RSRC1: variants seen among roughly 807,000 people sequenced by gnomAD.
RSRC1 encodes arginine and serine rich coiled-coil 1, also known as serine/Arginine-related protein 53.
Under a neutral mutation model 49.1 loss-of-function variants are expected in RSRC1, and 39 were observed. That is an observed-to-expected ratio of 0.79 (90% CI 0.61 to 1.04). The LOEUF (loss-of-function observed/expected upper bound fraction) is 1.04. Among genes scored for constraint, RSRC1 ranks in the 50% least tolerant of loss-of-function variants. RSRC1 has a pLI of 0.00. For missense variants in RSRC1, 388 were observed against 402.4 expected (o/e 0.96, Z 0.31); for synonymous variants, 143 against 130.8 (o/e 1.09, Z -0.63).
At chr3:158,389,618 A>G (rs1461388405) in intron 6 of RSRC1, among the ~76,000 whole-genome samples, 1 of 152,236 alleles carries the variant, frequency 6.6e-6, no homozygotes, top group Non-Finnish European at 1.5e-5. Context: ...GAACAAAGAA[A>G]AATATAATAC....
At chr3:158,419,381 C>A (rs1207999761) in intron 6 of RSRC1, among the ~76,000 whole-genome samples, 1 of 151,794 alleles carries the variant, frequency 6.6e-6, no homozygotes, top group African/African-American at 2.4e-5. Context: ...TAGAGAGTGG[C>A]CATTTGTGGG....
At position 158,305,314 on chromosome 3, in the gene RSRC1, T is replaced by C. The variant is rs1322924436; in HGVS notation, c.531+7239T>C. 3.3e-5 allele frequency among the ~76,000 whole-genome samples: 5 copies of C among 152,154 alleles called. No individual in the cohort carries two copies. In the South Asian group the frequency reaches 8.3e-4, roughly 25 times the overall value. On this transcript the variant is annotated intron_variant, in intron 5 of 9. Coordinates refer to ENST00000611884, the MANE Select transcript of RSRC1 (RefSeq NM_001271838.2). ...GATATTGTTGATAGTCTCAGAATTA[T>C]GTTTAATATAGATAACTTTTTTGAC...
intron 4 of RSRC1, among the ~76,000 whole-genome samples, chr3:158,287,559 T>C (rs767331577): frequency 2.0e-5 from 3 of 152,166 alleles, no homozygotes; most frequent in Non-Finnish European, 4.4e-5. Flanking sequence ...AGAACCTAAA[T>C]GTCCAAAAAT....
At chr3:158,225,680 G>C (rs116387663) in intron 4 of RSRC1, 5,847 of 453,110 alleles carry the variant, frequency 0.013, 59 homozygotes, top group Non-Finnish European at 0.019. Flanking sequence ...AATTGTGAGA[G>C]GAAAAAGAAA....
In RSRC1 at chr3:158,526,940, C is replaced by A. The variant is rs530213464; in HGVS notation, c.653-10152C>A. Among the ~76,000 whole-genome samples, 8 of 151,936 alleles carry A rather than the reference C, an allele frequency of 5.3e-5. No individual in the cohort carries two copies. In the South Asian group the frequency reaches 1.7e-3, roughly 32 times the overall value. ...GGAATCCAGTCATTATAGAATTTAG[C>A]CTAACTGCTTCTAATCCATGTAGGA... On this transcript the variant is annotated intron_variant, in intron 7 of 9. Coordinates refer to ENST00000611884, the MANE Select transcript of RSRC1 (RefSeq NM_001271838.2).
intron 3 of RSRC1, among the ~76,000 whole-genome samples, chr3:158,135,719 T>C (rs934481467): frequency 1.3e-5 from 2 of 152,100 alleles, no homozygotes; most frequent in African/African-American, 4.8e-5. Flanking sequence ...AAACCCAAAA[T>C]GTTGACAAGG....
intron 4 of RSRC1, among the ~76,000 whole-genome samples, chr3:158,229,247 T>C (rs1324213573): frequency 1.6e-4 from 24 of 150,698 alleles, no homozygotes; most frequent in African/African-American, 4.9e-4. Context: ...TGTATGTATA[T>C]AAACATACAT....
intron 7 of RSRC1, among the ~76,000 whole-genome samples, chr3:158,530,188 G>A (rs1306712094): frequency 6.6e-6 from 1 of 151,888 alleles, no homozygotes; most frequent in African/African-American, 2.4e-5. Context: ...GAATTGTTTA[G>A]CCAACTTCCG....
chr3:158,351,057 A>T (rs1730847481), intron 5 of RSRC1, among the ~76,000 whole-genome samples: 1 of 152,208 alleles, frequency 6.6e-6, no homozygotes, highest in Admixed American at 6.5e-5. Flanking sequence ...TGAAGGCAAC[A>T]TAAATCAGAC....
Position 158,251,892 on chromosome 3 carries a change from C to T in RSRC1, c.495-46147C>T, listed in dbSNP as rs1724228090. Among the ~76,000 whole-genome samples, 3 of 152,254 alleles carry T rather than the reference C, an allele frequency of 2.0e-5. No homozygotes were observed. The South Asian group carries it at 6.2e-4, about 32-fold the overall frequency. On this transcript the variant is annotated intron_variant, in intron 4 of 9. Transcript: ENST00000611884. The stretch of plus-strand genomic sequence containing the variant: ...TGAATGTGTGCATCCTTGTCTTCTT[C>T]CAGATGTTAGAGGAAAGGCTTTCAG...
intron 1 of RSRC1, 139 bp from the exon 2 acceptor site, chr3:158,121,964 C>G (rs1393653264): frequency 1.1e-5 from 5 of 465,840 alleles, no homozygotes; most frequent in Non-Finnish European, 1.8e-5. Flanking sequence ...ATGATTGTAC[C>G]ACTACACTCC....
Position 158,363,269 on chromosome 3 carries a change from C to CTTTT in RSRC1, c.583+8372_583+8375dup, listed in dbSNP as rs10635870. Among the ~76,000 whole-genome samples the CTTTT allele has an allele frequency of 1.6e-3, 230 of 141,444 alleles. 3 individuals are homozygous for CTTTT. Among genetic ancestry groups the CTTTT allele is most frequent in the African/African-American group, 5.7e-3 (218 of 38,140 alleles). 92.8% of individuals were successfully genotyped at this position (141,444 alleles called of 152,430 possible). On this transcript the variant is annotated intron_variant, in intron 6 of 9. Transcript: ENST00000611884. Reference sequence around the variant, plus strand: ...CTGACTCTCCAGCTACTTTTTTTTTCTTTTTTTTTTTTTTGACATAGTCTT... The same window carrying CTTTT: ...CTGACTCTCCAGCTACTTTTTTTTTCTTTTTTTTTTTTTTTTTTGACATAGTCTT...
At chr3:158,121,218 G>A (rs116596564) in intron 1 of RSRC1, among the ~76,000 whole-genome samples, 3,686 of 151,804 alleles carry the variant, frequency 0.024, 159 homozygotes, top group African/African-American at 0.085. Context: ...TGTATTTGTA[G>A]AAGTAGGATT....
intron 6 of RSRC1, among the ~76,000 whole-genome samples, chr3:158,362,387 G>A (rs73170342): frequency 0.14 from 20,642 of 152,178 alleles, 1,515 homozygotes; most frequent in Middle Eastern, 0.2. Flanking sequence ...TTTCCCAGCA[G>A]TTTTAACAAT....
chr3:158,403,486 G>T (rs1482348964), intron 6 of RSRC1, among the ~76,000 whole-genome samples: 1 of 151,536 alleles, frequency 6.6e-6, no homozygotes, highest in East Asian at 1.9e-4. Flanking sequence ...ATTCTGTAAG[G>T]ATAAAAAGGA....
chr3:158,211,911 G>A (rs1200155097), intron 4 of RSRC1, among the ~76,000 whole-genome samples: 1 of 151,602 alleles, frequency 6.6e-6, no homozygotes, highest in Non-Finnish European at 1.5e-5. Context: ...TCTCACTTTT[G>A]TGTCTTTTTA....
intron 6 of RSRC1, among the ~76,000 whole-genome samples, chr3:158,440,888 C>T (rs1460470291): frequency 6.6e-6 from 1 of 151,830 alleles, no homozygotes; most frequent in African/African-American, 2.4e-5. Flanking sequence ...CTTGCAGAGA[C>T]CCGAGATCAC....
At chr3:158,516,777 G>C (rs375017419) in intron 7 of RSRC1, among the ~76,000 whole-genome samples, 7 of 152,246 alleles carry the variant, frequency 4.6e-5, no homozygotes, top group African/African-American at 1.4e-4. Flanking sequence ...CTCCGAGCCA[G>C]GTGCGGGATA....
chr3:158,161,241 T>G (rs1245962668), intron 3 of RSRC1, among the ~76,000 whole-genome samples: 3 of 152,154 alleles, frequency 2.0e-5, no homozygotes, highest in African/African-American at 7.2e-5. Flanking sequence ...CTGGGCTCCT[T>G]GGGTTTGTCT....
Sources: allele counts gnomAD v4.1 joint callset (sites outside exome capture counted in the v4.1 genomes callset), GRCh38; gene constraint gnomAD v4.1.1; transcripts MANE v1.5; gene names NCBI Gene and HGNC (gene_info 2026-07-23, HGNC 2026-07-21).